The following CPSF2 variants were observed in gnomAD, a reference collection of about 807,000 sequenced individuals.
CPSF2 encodes the protein cleavage and polyadenylation specificity factor subunit 2.
CPSF2 carries 51 observed loss-of-function variants against 84.2 expected under a neutral mutation model. The ratio of observed to expected loss-of-function variants is 0.61; its 90% CI spans 0.48 to 0.77. CPSF2 has a LOEUF of 0.77. CPSF2 is among the 30% of genes least tolerant of loss of function. The probability of loss-of-function intolerance (pLI) is 0.00; values close to 1 mark genes in which losing one functional copy is unlikely to be tolerated. For missense variants in CPSF2, 641 were observed against 929.4 expected, an observed-to-expected ratio of 0.69 and a Z score of 4.03; for synonymous variants, 286 against 311.9, an observed-to-expected ratio of 0.92 and a Z score of 0.87.
intron 9 of CPSF2, among the ~76,000 whole-genome samples, chr14:92,152,010 C>A (rs1281205286): frequency 2.8e-5 from 4 of 140,538 alleles, no homozygotes; most frequent in African/African-American, 2.6e-5. Flanking sequence ...GACCCTGTCT[C>A]AAAAAAAAAA....
intron 2 of CPSF2, among the ~76,000 whole-genome samples, chr14:92,129,278 G>C (rs985411036): frequency 2.6e-5 from 4 of 152,194 alleles, no homozygotes; most frequent in African/African-American, 9.7e-5. Context: ...TGCAGTTACA[G>C]GTGAGTATGA....
intron 6 of CPSF2, among the ~76,000 whole-genome samples, chr14:92,137,569 G>C (rs2069016532): frequency 6.6e-6 from 1 of 152,116 alleles, no homozygotes; most frequent in African/African-American, 2.4e-5. Flanking sequence ...CAGTCTTTTT[G>C]ATTGAACTTT....
intron 9 of CPSF2, among the ~76,000 whole-genome samples, chr14:92,146,683 A>T (rs2069148532): frequency 6.6e-6 from 1 of 152,166 alleles, no homozygotes; most frequent in African/African-American, 2.4e-5. Flanking sequence ...TCCCAGAGAG[A>T]GCTTTTAAAC....
At chr14:92,122,692 T>G (rs1431359851) in intron 1 of CPSF2, among the ~76,000 whole-genome samples, 1 of 148,786 alleles carries the variant, frequency 6.7e-6, no homozygotes. Flanking sequence ...TTCTAATTCT[T>G]TTTTGACTTC....
At chr14:92,140,654 G>A (rs72691125) in intron 7 of CPSF2, among the ~76,000 whole-genome samples, 21,263 of 151,622 alleles carry the variant, frequency 0.14, 1,791 homozygotes, top group East Asian at 0.29. Context: ...GGATGGTCTC[G>A]ATCTCTTGAC....
At chr14:92,135,518 C>A in intron 6 of CPSF2, 22 bp downstream of exon 6, 1 of 1,589,810 alleles carries the variant, frequency 6.3e-7, no homozygotes, top group East Asian at 2.3e-5. Context: ...AAGAGAAAAG[C>A]TAAAGGCAAT....
At chr14:92,135,799 A>G (rs1595054245) in intron 6 of CPSF2, among the ~76,000 whole-genome samples, 1 of 152,218 alleles carries the variant, frequency 6.6e-6, no homozygotes, top group African/African-American at 2.4e-5. Context: ...TTGACCTGCT[A>G]TTTAACACAA....
chr14:92,139,403 T>C (rs11845252), intron 7 of CPSF2, among the ~76,000 whole-genome samples: 74,874 of 149,260 alleles, frequency 0.5, 19,969 homozygotes, highest in East Asian at 0.85. Flanking sequence ...GGCTACAGAG[T>C]GAGACTCCGT....
chr14:92,136,361 C>G (rs1282313541), intron 6 of CPSF2, among the ~76,000 whole-genome samples: 1 of 152,172 alleles, frequency 6.6e-6, no homozygotes, highest in Non-Finnish European at 1.5e-5. Flanking sequence ...TCGTGATCAA[C>G]TCAGTATACC....
chr14:92,130,338 G>T (rs1358073329), intron 2 of CPSF2, among the ~76,000 whole-genome samples: 1 of 152,074 alleles, frequency 6.6e-6, no homozygotes, highest in Non-Finnish European at 1.5e-5. Context: ...TTCTCAAGGG[G>T]ATCTATTTAA....
In CPSF2 at chr14:92,162,186, A is replaced by G. The variant is rs2069383618; in HGVS notation, c.*442A>G. 1 of 152,888 alleles carries G rather than the reference A, an allele frequency of 6.5e-6. No individual in the cohort carries two copies. The highest frequency in any genetic ancestry group is 2.1e-4 in the South Asian group (1 of 4,852). The allele number at this position is 152,888 out of a possible 1,614,324, so 9.5% of individuals were successfully genotyped here. On this transcript the variant is annotated 3_prime_UTR_variant, in exon 16 of 16. Coordinates refer to ENST00000298875, the MANE Select transcript of CPSF2 (RefSeq NM_017437.3). ...CTCCAAAAAAAAAACAAAACTGATAAAACAGTTTTTCGAAACTTACTTTTA... is the reference window on the plus strand; with the variant it reads ...CTCCAAAAAAAAAACAAAACTGATAGAACAGTTTTTCGAAACTTACTTTTA...
intron 9 of CPSF2, 152 bp downstream of exon 9, chr14:92,143,446 T>C (rs1203221176): frequency 7.8e-6 from 5 of 637,206 alleles, no homozygotes; most frequent in Non-Finnish European, 1.3e-5. Flanking sequence ...GTGTGTGCTG[T>C]AGTGCCAGCT....
At position 92,164,470 on chromosome 14, in the gene CPSF2, T is replaced by G. The variant is rs895118543; in HGVS notation, c.*2726T>G. The G allele has an allele frequency of 6.6e-6, 1 of 152,204 alleles. No homozygotes were observed. The highest frequency in any genetic ancestry group is 2.4e-5 in the African/African-American group (1 of 41,458). The allele number at this position is 152,204 out of a possible 1,614,324, so 9.4% of individuals were successfully genotyped here. A position where few individuals can be genotyped will look rare whatever the true frequency, so the allele number is the denominator to read the frequency against. On this transcript the variant is annotated 3_prime_UTR_variant, in exon 16 of 16. Transcript: ENST00000298875. ...ATAAATTTTAAAGATGACTATGAGA[T>G]AAATCATGAACTCAGTGGAATTTTC...
chr14:92,122,330 C>A (rs74074414), intron 1 of CPSF2: 1 of 179,222 alleles, frequency 5.6e-6, no homozygotes, highest in Non-Finnish European at 1.2e-5. Context: ...GTTTCAAGCT[C>A]CCAGCTGTTT....
In CPSF2 at chr14:92,122,266, G is replaced by T. The variant is rs564429144; in HGVS notation, c.-94+138G>T. ...CCGCCGCTTCGGCTGCGACTGTCCC[G>T]GTCGTTCCCGGCAGAAGTGGTCAGC... On this transcript the variant is annotated intron_variant, in intron 1 of 15. Coordinates refer to ENST00000298875, the MANE Select transcript of CPSF2 (RefSeq NM_017437.3). 178 of 263,238 alleles carry T rather than the reference G, an allele frequency of 6.8e-4. 2 individuals carry two copies. Among genetic ancestry groups the T allele is most frequent in the South Asian group, 5.4e-3 (142 of 26,308 alleles). The allele number at this position is 263,238 out of a possible 1,614,324, so 16.3% of individuals were successfully genotyped here.
intron 12 of CPSF2, among the ~76,000 whole-genome samples, chr14:92,156,853 TG>T: frequency 6.6e-6 from 1 of 152,164 alleles, no homozygotes; most frequent in East Asian, 1.9e-4. Flanking sequence ...TTGGTGGTGG[TG>T]GGGGGTGCTT....
rs1193282146 is a variant in CPSF2 at position 92,133,998 on chromosome 14, T to G, written c.150-13T>G. The G allele has an allele frequency of 6.2e-7, 1 of 1,613,136 alleles. No homozygotes were observed. The highest frequency in any genetic ancestry group is 1.7e-5 in the Admixed American group (1 of 59,878). On this transcript the variant is annotated splice_polypyrimidine_tract_variant and intron_variant, in intron 3 of 15. Transcript: ENST00000298875. The stretch of plus-strand genomic sequence containing the variant: ...AGATTCAAGAAGTAGTCCTTTGGAT[T>G]GTGTTCTTGTAGGCATGTTCACCAG...
intron 1 of CPSF2, among the ~76,000 whole-genome samples, chr14:92,124,115 A>G (rs1352538766): frequency 6.6e-6 from 1 of 152,200 alleles, no homozygotes; most frequent in Non-Finnish European, 1.5e-5. Flanking sequence ...AGAGTGGGAT[A>G]ATCAACCTGC....
chr14:92,143,309 G>T lies in CPSF2; in HGVS notation c.1140+15G>T. On this transcript the variant is annotated intron_variant, in intron 9 of 15. Coordinates refer to ENST00000298875, the MANE Select transcript of CPSF2 (RefSeq NM_017437.3). ...CAGAAATAGAGGTAAGCACTTGTAT[G>T]TGAACTTTATCTTAAAACTGTTTGG... is the stretch of plus-strand genomic sequence containing the variant. 6.5e-7 allele frequency: 1 copy of T among 1,529,804 alleles called. No homozygotes were observed. Among genetic ancestry groups the T allele is most frequent in the South Asian group, 1.2e-5 (1 of 84,946 alleles). The allele number at this position is 1,529,804 out of a possible 1,614,324, so 94.8% of individuals were successfully genotyped here. A position where few individuals can be genotyped will look rare whatever the true frequency, so the allele number is the denominator to read the frequency against.
Sources: allele counts gnomAD v4.1 joint callset (sites outside exome capture counted in the v4.1 genomes callset), GRCh38; gene constraint gnomAD v4.1.1; transcripts MANE v1.5; gene names NCBI Gene and HGNC (gene_info 2026-07-23, HGNC 2026-07-21).